Variants in SLC3A1 observed in about 807,000 individuals in gnomAD.
The protein encoded by SLC3A1 is solute carrier family 3 member 1, also known as amino acid transporter heavy chain SLC3A1.
In SLC3A1, 78 loss-of-function variants were observed where a neutral mutation model predicts 60.3. That is an observed-to-expected ratio of 1.29 (90% CI 1.08 to 1.56). The LOEUF is 1.56. Among genes scored for constraint, SLC3A1 ranks in the 40% most tolerant of loss-of-function variants. SLC3A1 has a pLI of 0.00. For synonymous variants in SLC3A1, 392 were observed against 307.9 expected (o/e 1.27, Z -2.86); for missense variants, 1,172 against 858.9 (o/e 1.36, Z -4.56).
At chr2:44,276,533 A>G (rs1338213096) in intron 1 of SLC3A1, among the ~76,000 whole-genome samples, 1 of 152,166 alleles carries the variant, frequency 6.6e-6, no homozygotes, top group Non-Finnish European at 1.5e-5. Flanking sequence ...TGAATTAAGG[A>G]TTGTTTAAAA....
At chr2:44,290,456 T>C (rs1286214284) in intron 4 of SLC3A1, among the ~76,000 whole-genome samples, 1 of 152,200 alleles carries the variant, frequency 6.6e-6, no homozygotes, top group African/African-American at 2.4e-5. Context: ...CTTGACAATG[T>C]TTGCAAAGAA....
At chr2:44,299,053 T>A (rs953669399) in intron 4 of SLC3A1, among the ~76,000 whole-genome samples, 238 of 94,714 alleles carry the variant, frequency 2.5e-3, no homozygotes, top group Middle Eastern at 0.011. Flanking sequence ...TTTTTTTTTT[T>A]AAAAGACAGA....
rs578142934 is a variant in SLC3A1, at chr2:44,300,937, T to C, written c.1012-66T>C. On this transcript the variant is annotated intron_variant, in intron 5 of 9. Coordinates refer to ENST00000260649, the MANE Select transcript of SLC3A1 (RefSeq NM_000341.4). ...CCTTTGAAGAGGTTGTCTACATTCA[T>C]ATAGAGCGAGCTGTGGGCATGCAAT... 7 of 1,605,312 alleles carry C rather than the reference T, an allele frequency of 4.4e-6. No homozygotes were observed. In the East Asian group the frequency reaches 1.3e-4, roughly 31 times the overall value.
chr2:44,308,854 T>TC (rs1672221027), intron 7 of SLC3A1, among the ~76,000 whole-genome samples: 1 of 152,008 alleles, frequency 6.6e-6, no homozygotes, highest in Admixed American at 6.6e-5. Context: ...TGTATCAGCC[T>TC]CCCAAATAGC....
intron 4 of SLC3A1, among the ~76,000 whole-genome samples, chr2:44,287,105 T>G (rs1671635330): frequency 6.6e-6 from 1 of 152,166 alleles, no homozygotes; most frequent in East Asian, 1.9e-4. Flanking sequence ...TTCTAAGCAC[T>G]GGGAATGCAG....
chr2:44,304,062 C>A, intron 6 of SLC3A1, 81 bp from the exon 7 acceptor site: 1 of 1,023,684 alleles, frequency 9.8e-7, no homozygotes, highest in Non-Finnish European at 1.6e-6. Flanking sequence ...ACATCTTGTA[C>A]ATGCAAGATA....
At chr2:44,296,614 A>G (rs921480014) in intron 4 of SLC3A1, among the ~76,000 whole-genome samples, 1 of 152,184 alleles carries the variant, frequency 6.6e-6, no homozygotes, top group Non-Finnish European at 1.5e-5. Context: ...TCTCAGCTTA[A>G]AGTGAATTGA....
chr2:44,320,509 G>T lies in SLC3A1; in HGVS notation c.1928G>T (p.Gly643Val). 6.2e-7 allele frequency: 1 copy of T among 1,614,144 alleles called. No homozygotes were observed. The highest frequency in any genetic ancestry group is 8.5e-7 in the Non-Finnish European group (1 of 1,179,978). ...VDTSGIFLDK[G>V]EGLIFEHNTK... ...ACAAGTGGCATTTTTCTGGACAAGG[G>T]AGAGGGACTCATCTTTGAACACAAC... Residue 643 changes from glycine to valine, a missense_variant, in exon 10 of 10, where the codon GGA (glycine) becomes GTA (valine). Transcript: ENST00000260649.
intron 4 of SLC3A1, among the ~76,000 whole-genome samples, chr2:44,296,973 C>G (rs1274874859): frequency 6.6e-6 from 1 of 152,162 alleles, no homozygotes. Context: ...GATTGTGAGG[C>G]CTCCCCAGCC....
Position 44,301,056 on chromosome 2 carries a change from G to A in SLC3A1, c.1065G>A (p.Val355=), listed in dbSNP as rs749138799. ...ELYHDFTTTQ[V]GMHDIVRSFR... ...ACCATGACTTCACCACCACGCAGGT[G>A]GGAATGCACGACATTGTCCGCAGCT... The change falls in exon 6 of 10, where the codon GTG becomes GTA. Residue 355 remains valine (V), a synonymous_variant. Coordinates refer to ENST00000260649, the MANE Select transcript of SLC3A1 (RefSeq NM_000341.4). 6.2e-7 allele frequency: 1 copy of A among 1,614,160 alleles called. No homozygotes were observed. Among genetic ancestry groups the A allele is most frequent in the Non-Finnish European group, 8.5e-7 (1 of 1,180,026 alleles).
chr2:44,280,233 T>G (rs1671462638), intron 1 of SLC3A1, among the ~76,000 whole-genome samples: 1 of 152,182 alleles, frequency 6.6e-6, no homozygotes, highest in Non-Finnish European at 1.5e-5. Context: ...ATGACTAATT[T>G]GATTTTCTCT....
At chr2:44,279,229 A>T (rs139310134) in intron 1 of SLC3A1, among the ~76,000 whole-genome samples, 4,420 of 152,218 alleles carry the variant, frequency 0.029, 220 homozygotes, top group African/African-American at 0.1. Context: ...TGACCTCCTG[A>T]CCTCAAGTGA....
At chr2:44,301,947 C>G (rs71420092) in intron 6 of SLC3A1, among the ~76,000 whole-genome samples, 1 of 150,906 alleles carries the variant, frequency 6.6e-6, no homozygotes. Context: ...ACCAGCTACT[C>G]GGGAGGCTGA....
intron 9 of SLC3A1, chr2:44,317,787 A>G (rs1168418895): frequency 1.3e-5 from 2 of 154,920 alleles, no homozygotes; most frequent in Non-Finnish European, 2.9e-5. Flanking sequence ...CCTAAACAAT[A>G]GTATAACTAC....
chr2:44,312,874 T>A, intron 8 of SLC3A1, 121 bp downstream of exon 8: 2 of 810,232 alleles, frequency 2.5e-6, no homozygotes, highest in South Asian at 3.1e-5. Context: ...CATGGTTACT[T>A]TGCTTTTCTT....
intron 4 of SLC3A1, among the ~76,000 whole-genome samples, chr2:44,290,430 T>C (rs933990251): frequency 2.0e-5 from 3 of 152,194 alleles, no homozygotes; most frequent in Non-Finnish European, 4.4e-5. Flanking sequence ...GATTTCCATG[T>C]GAATTTCTGA....
chr2:44,299,282 G>A (rs369323481), intron 4 of SLC3A1, among the ~76,000 whole-genome samples: 6 of 151,858 alleles, frequency 4.0e-5, no homozygotes, highest in South Asian at 2.1e-4. Flanking sequence ...CAGGTGATCC[G>A]CCTGCCTCGG....
In SLC3A1 at chr2:44,286,158, G is replaced by A; in HGVS notation, c.891+1G>A. 6.2e-7 allele frequency: 1 copy of A among 1,613,822 alleles called. No homozygotes were observed. Among genetic ancestry groups the A allele is most frequent in the Non-Finnish European group, 8.5e-7 (1 of 1,179,842 alleles). On this transcript the variant is annotated splice_donor_variant, in intron 4 of 9. Coordinates refer to ENST00000260649, the MANE Select transcript of SLC3A1 (RefSeq NM_000341.4). LOFTEE classifies it high-confidence loss of function. Reference sequence around the variant, plus strand: ...TCCTGATGTTCAAGAAGAAATAAAAGTGAGTATAGATACCCACACAGACTT... The same window carrying A: ...TCCTGATGTTCAAGAAGAAATAAAAATGAGTATAGATACCCACACAGACTT...
intron 4 of SLC3A1, among the ~76,000 whole-genome samples, chr2:44,291,727 G>A (rs146343863): frequency 3.9e-5 from 6 of 152,242 alleles, no homozygotes; most frequent in African/African-American, 7.2e-5. Context: ...GTGTGGAGGC[G>A]GCGTTTGGAA....
Sources: allele counts gnomAD v4.1 joint callset (sites outside exome capture counted in the v4.1 genomes callset), GRCh38; gene constraint gnomAD v4.1.1; transcripts MANE v1.5; gene names NCBI Gene and HGNC (gene_info 2026-07-23, HGNC 2026-07-21).